Variants in MALRD1 observed in about 807,000 individuals in gnomAD.
MALRD1 encodes MAM and LDL-receptor class A domain-containing protein 1.
MALRD1 carries 247 observed loss-of-function variants against 242.1 expected under a neutral mutation model. That is an observed-to-expected ratio of 1.02 (90% CI 0.92 to 1.13). The LOEUF is 1.13. Among genes scored for constraint, MALRD1 ranks in the 50% most tolerant of loss-of-function variants. The pLI, the probability that MALRD1 is intolerant of heterozygous loss-of-function variation, is 0.00. For synonymous variants in MALRD1, 995 were observed against 866.6 expected (o/e 1.15, Z -2.60); for missense variants, 2,989 against 2,533.1 (o/e 1.18, Z -3.86).
chr10:19,667,195 A>G (rs2131747664), intron 36 of MALRD1, among the ~76,000 whole-genome samples: 1 of 152,200 alleles, frequency 6.6e-6, no homozygotes, highest in Admixed American at 6.5e-5. Flanking sequence ...TGTGGCTCAC[A>G]CCTATAATCC....
intron 1 of MALRD1, among the ~76,000 whole-genome samples, chr10:19,056,825 C>T (rs1331109398): frequency 6.6e-6 from 1 of 152,086 alleles, no homozygotes; most frequent in African/African-American, 2.4e-5. Flanking sequence ...CCCTGTTGGT[C>T]ATATGGCTTT....
intron 35 of MALRD1, among the ~76,000 whole-genome samples, chr10:19,611,350 G>C (rs1589305197): frequency 1.3e-5 from 2 of 151,768 alleles, no homozygotes; most frequent in African/African-American, 4.8e-5. Context: ...ACATTAAGGG[G>C]GAAAAATGAA....
At chr10:19,337,211 T>C (rs1249222098) in intron 24 of MALRD1, among the ~76,000 whole-genome samples, 1 of 152,162 alleles carries the variant, frequency 6.6e-6, no homozygotes, top group Non-Finnish European at 1.5e-5. Flanking sequence ...ATTTGTTAAG[T>C]AATAGGTACA....
chr10:19,614,565 G>T (rs1412775635), intron 35 of MALRD1, among the ~76,000 whole-genome samples: 1 of 151,964 alleles, frequency 6.6e-6, no homozygotes, highest in East Asian at 1.9e-4. Context: ...TAGGGGAATT[G>T]ACAGGCCTTA....
chr10:19,625,846 C>T (rs758302928), intron 36 of MALRD1, among the ~76,000 whole-genome samples: 29 of 152,014 alleles, frequency 1.9e-4, no homozygotes, highest in Non-Finnish European at 2.9e-5. Flanking sequence ...CCGTAGCAAC[C>T]AACAATCATT....
intron 2 of MALRD1, among the ~76,000 whole-genome samples, chr10:19,071,085 A>G (rs958764546): frequency 1.3e-5 from 2 of 151,964 alleles, no homozygotes; most frequent in African/African-American, 4.8e-5. Context: ...TCCTGGCCTC[A>G]GGTGATCTCC....
intron 21 of MALRD1, among the ~76,000 whole-genome samples, chr10:19,323,501 T>C (rs1842987826): frequency 6.6e-6 from 1 of 152,230 alleles, no homozygotes; most frequent in African/African-American, 2.4e-5. Context: ...AAGTATTATT[T>C]CTGATGAAGA....
intron 13 of MALRD1, among the ~76,000 whole-genome samples, chr10:19,167,316 GC>G (rs1564436756): frequency 6.6e-6 from 1 of 152,084 alleles, no homozygotes. Context: ...CTGACATGGC[GC>G]CACTGCACTG....
chr10:19,282,822 T>C (rs1840883129), intron 20 of MALRD1, among the ~76,000 whole-genome samples, 197 bp from the exon 21 acceptor site: 1 of 152,176 alleles, frequency 6.6e-6, no homozygotes, highest in African/African-American at 2.4e-5. Flanking sequence ...TTTTTTCCTA[T>C]AAATATTTGA....
At chr10:19,183,374 G>C (rs1437434413) in intron 14 of MALRD1, among the ~76,000 whole-genome samples, 1 of 151,330 alleles carries the variant, frequency 6.6e-6, no homozygotes, top group East Asian at 2.0e-4. Flanking sequence ...TTGAACAAAT[G>C]AGCATATCAC....
In MALRD1 at chr10:19,137,668, C is replaced by G. The variant is rs76239014; in HGVS notation, c.1411+887C>G. ...AGCCATGACTGGCGTTTGGGAGGGC[C>G]AAAGTGCCCCAACACCTTTCTTTCA... On this transcript the variant is annotated intron_variant, in intron 10 of 39. Coordinates refer to ENST00000454679, the MANE Select transcript of MALRD1 (RefSeq NM_001142308.3). 6.6e-3 allele frequency among the ~76,000 whole-genome samples: 996 copies of G among 150,964 alleles called. 14 individuals are homozygous for G. The highest frequency in any genetic ancestry group is 0.023 in the African/African-American group (931 of 41,194).
At chr10:19,208,296 A>G (rs1180910664) in intron 17 of MALRD1, among the ~76,000 whole-genome samples, 1 of 152,216 alleles carries the variant, frequency 6.6e-6, no homozygotes, top group Non-Finnish European at 1.5e-5. Context: ...GGCAAGGCAC[A>G]TACCTAACAT....
rs16918801 is a variant in MALRD1 at position 19,446,671 on chromosome 10, C to T, written c.4846-3636C>T. On this transcript the variant is annotated intron_variant, in intron 28 of 39. Transcript: ENST00000454679. ...ATATGCAATTTGCAAGACAAAAGTT[C>T]CATGCATATACTATATGTGAGGAAT... Among the ~76,000 whole-genome samples the T allele has an allele frequency of 7.2e-3, 1,095 of 152,084 alleles. 14 individuals carry two copies. Among genetic ancestry groups the T allele is most frequent in the African/African-American group, 0.025 (1,043 of 41,502 alleles).
chr10:19,338,290 G>A lies in MALRD1; in HGVS notation c.3901+6708G>A, dbSNP rs1023757494. Among the ~76,000 whole-genome samples the A allele has an allele frequency of 5.9e-5, 9 of 151,962 alleles. No homozygotes were observed. In the South Asian group the frequency reaches 1.4e-3, roughly 24 times the overall value. On this transcript the variant is annotated intron_variant, in intron 24 of 39. Transcript: ENST00000454679. ...ACTACCATAGTATCCTTACAGAGTC[G>A]TTTCATTGCCCTAAAAATCCTCTAT...
chr10:19,066,711 C>A lies in MALRD1; in HGVS notation c.200-8C>A. The stretch of plus-strand genomic sequence containing the variant: ...TTGTGAAAACCAACTTTTCTTCTTT[C>A]TCATTAGGTTTGAATTATGAAAGAT... On this transcript the variant is annotated splice_polypyrimidine_tract_variant and splice_region_variant and intron_variant, in intron 1 of 39. Coordinates refer to ENST00000454679, the MANE Select transcript of MALRD1 (RefSeq NM_001142308.3). 1 of 1,233,536 alleles carries A rather than the reference C, an allele frequency of 8.1e-7. No homozygotes were observed. Among genetic ancestry groups the A allele is most frequent in the Non-Finnish European group, 1.0e-6 (1 of 987,926 alleles). The allele number at this position is 1,233,536 out of a possible 1,614,324, so 76.4% of individuals were successfully genotyped here. A position where few individuals can be genotyped will look rare whatever the true frequency, so the allele number is the denominator to read the frequency against.
intron 26 of MALRD1, among the ~76,000 whole-genome samples, chr10:19,384,340 A>C (rs1481781614): frequency 7.9e-6 from 1 of 126,292 alleles, no homozygotes; most frequent in Non-Finnish European, 1.6e-5. Flanking sequence ...ATATAATATA[A>C]TTACTATATA....
chr10:19,116,229 A>G (rs952358869), intron 5 of MALRD1, among the ~76,000 whole-genome samples: 2 of 152,212 alleles, frequency 1.3e-5, no homozygotes, highest in Non-Finnish European at 2.9e-5. Context: ...GCTGATTATA[A>G]TTTTGTATAA....
intron 36 of MALRD1, among the ~76,000 whole-genome samples, chr10:19,682,373 T>C (rs1365726818): frequency 1.3e-5 from 2 of 152,202 alleles, no homozygotes; most frequent in Non-Finnish European, 2.9e-5. Context: ...ACTCCTTCGT[T>C]ATAACCTACT....
rs143686409 is a variant in MALRD1 at position 19,066,123 on chromosome 10, T to G, written c.200-596T>G. On this transcript the variant is annotated intron_variant, in intron 1 of 39. Transcript: ENST00000454679. ...ATCCTCCTGTATACTTTAAATCATC[T>G]TTAGACAATTTACAATACCTCAGAC... 9.0e-3 allele frequency among the ~76,000 whole-genome samples: 1,369 copies of G among 152,302 alleles called. 19 individuals are homozygous for G. The highest frequency in any genetic ancestry group is 0.031 in the African/African-American group (1,299 of 41,560).
Sources: allele counts gnomAD v4.1 joint callset (sites outside exome capture counted in the v4.1 genomes callset), GRCh38; gene constraint gnomAD v4.1.1; transcripts MANE v1.5; gene names NCBI Gene and HGNC (gene_info 2026-07-23, HGNC 2026-07-21).